Variants in KPTN observed in about 807,000 individuals in gnomAD.
The protein encoded by KPTN is KICSTOR complex protein kaptin.
Under a neutral mutation model 52.6 loss-of-function variants are expected in KPTN, and 36 were observed. The observed-to-expected ratio is 0.68, with a 90% confidence interval of 0.52 to 0.90. KPTN has a LOEUF of 0.90. Ranked by LOEUF, KPTN falls within the 40% of genes least tolerant of loss-of-function variation. KPTN has a pLI of 0.00. For missense variants in KPTN, 529 were observed against 576.2 expected, an observed-to-expected ratio of 0.92 and a Z score of 0.84; for synonymous variants, 271 against 248.4, an observed-to-expected ratio of 1.09 and a Z score of -0.85.
intron 7 of KPTN, 130 bp from the exon 8 acceptor site, chr19:47,480,070 C>T: frequency 3.0e-6 from 2 of 676,756 alleles, no homozygotes; most frequent in South Asian, 1.7e-5. Flanking sequence ...CTCAACCCCA[C>T]CCTAGCCCCG....
At chr19:47,480,443 T>C (rs1967837933) in intron 6 of KPTN, 36 bp from the exon 7 acceptor site, 1 of 1,446,374 alleles carries the variant, frequency 6.9e-7, no homozygotes. Flanking sequence ...CGGACGGCCA[T>C]TGCTGGGCCC....
chr19:47,476,655 C>T lies in KPTN; in HGVS notation c.1059G>A (p.Gly353=), dbSNP rs759546275. The T allele has an allele frequency of 6.2e-7, 1 of 1,613,002 alleles. No individual in the cohort carries two copies. Among genetic ancestry groups the T allele is most frequent in the South Asian group, 1.1e-5 (1 of 90,950 alleles). ...AGCTCCGCTGCCACAGCAGATGGAA[C>T]CCGTGCTGGGCCTCAGGAAGCCCCG... ...PESGLPEAQH[G]FHLLWQRSFS... is the part of the protein sequence containing the mutation. Residue 353 remains glycine (G), a synonymous_variant, in exon 11 of 12, where the codon GGG becomes GGA. Transcript: ENST00000338134.
chr19:47,479,295 G>A (rs949364601), intron 8 of KPTN, among the ~76,000 whole-genome samples: 34 of 152,146 alleles, frequency 2.2e-4, no homozygotes, highest in African/African-American at 8.0e-4. Context: ...CGTCCGCTTC[G>A]GCCTCCCAAA....
intron 8 of KPTN, among the ~76,000 whole-genome samples, chr19:47,477,986 G>T (rs1039865615): frequency 2.0e-5 from 3 of 151,936 alleles, no homozygotes; most frequent in Non-Finnish European, 4.4e-5. Flanking sequence ...CTTGAACCTG[G>T]GAGGCGGAGG....
rs1967624114 is a variant in KPTN, at chr19:47,475,328, C to G, written c.*88G>C. ...CCCTGGGGAGGTCTGGGGAGAGCAT[C>G]CTGTCCTTCAGGACACCCCCCACCA... On this transcript the variant is annotated 3_prime_UTR_variant, in exon 12 of 12. Coordinates refer to ENST00000338134, the MANE Select transcript of KPTN (RefSeq NM_007059.4). The G allele has an allele frequency of 1.3e-6, 2 of 1,493,886 alleles. No individual in the cohort carries two copies. The highest frequency in any genetic ancestry group is 2.5e-5 in the South Asian group (2 of 79,424). 92.5% of individuals were successfully genotyped at this position (1,493,886 alleles called of 1,614,324 possible).
In KPTN at chr19:47,476,693, G is replaced by A. The variant is rs755446490; in HGVS notation, c.1021C>T (p.Arg341Trp). Residue 341 changes from arginine (R) to tryptophan (W), a missense_variant, in exon 11 of 12, where the codon CGG becomes TGG. By Grantham distance (101) the Arg-to-Trp change is moderately radical. Coordinates refer to ENST00000338134, the MANE Select transcript of KPTN (RefSeq NM_007059.4). ...YGQELLCYKY[R>W]GPESGLPEAQ... ...TCAGGAAGCCCCGACTCTGGGCCCC[G>A]GTACTTATAACACAGCAGTTCCTGC... is the stretch of plus-strand genomic sequence containing the variant. The A allele has an allele frequency of 2.8e-5, 45 of 1,612,030 alleles. No homozygotes were observed. The highest frequency in any genetic ancestry group is 1.6e-4 in the Middle Eastern group (1 of 6,076).
intron 8 of KPTN, 59 bp downstream of exon 8, chr19:47,479,804 C>A: frequency 7.1e-7 from 1 of 1,406,800 alleles, no homozygotes; most frequent in Non-Finnish European, 1.0e-6. Flanking sequence ...CCCAAGAATG[C>A]AGAGTTGCCT....
At chr19:47,480,246 CG>C in intron 7 of KPTN, 51 bp downstream of exon 7, 3 of 1,109,798 alleles carry the variant, frequency 2.7e-6, no homozygotes, top group Middle Eastern at 2.6e-4. Flanking sequence ...ACCCTGGCCC[CG>C]CCCTCTAGCC....
rs779723695 is a variant in KPTN, at chr19:47,483,277, C to G, written c.394+18G>C. The G allele has an allele frequency of 1.2e-6, 2 of 1,613,508 alleles. No individual in the cohort carries two copies. The highest frequency in any genetic ancestry group is 3.3e-5 in the Admixed American group (2 of 60,016). ...CTGCTGGGGACTCTCTCCCTCCTCC[C>G]GTCCACGCCTCACTCACGGGCAATA... On this transcript the variant is annotated intron_variant, in intron 3 of 11. Coordinates refer to ENST00000338134, the MANE Select transcript of KPTN (RefSeq NM_007059.4).
At chr19:47,476,239 G>C (rs994251712) in intron 11 of KPTN, 7 of 213,194 alleles carry the variant, frequency 3.3e-5, no homozygotes, top group African/African-American at 1.7e-4. Flanking sequence ...AACCTGGGAG[G>C]TGGAGGTTGC....
chr19:47,480,058 C>A, intron 7 of KPTN, 118 bp from the exon 8 acceptor site: 1 of 684,846 alleles, frequency 1.5e-6, no homozygotes, highest in Non-Finnish European at 2.4e-6. Flanking sequence ...CCCTCTGAAG[C>A]CCTCAACCCC....
Position 47,476,709 on chromosome 19 carries a change from C to G in KPTN, c.1005G>C (p.Leu335=), listed in dbSNP as rs1238737276. The G allele has an allele frequency of 6.2e-7, 1 of 1,611,180 alleles. No individual in the cohort carries two copies. The highest frequency in any genetic ancestry group is 8.5e-7 in the Non-Finnish European group (1 of 1,178,766). The change falls in exon 11 of 12, where the codon CTG becomes CTC. Residue 335 remains leucine, a synonymous_variant. Coordinates refer to ENST00000338134, the MANE Select transcript of KPTN (RefSeq NM_007059.4). ...EVLVATYGQE[L]LCYKYRGPES... ...CTGGGCCCCGGTACTTATAACACAG[C>G]AGTTCCTGCGGGGGTGAAGAATCAG...
At chr19:47,485,462 T>G (rs1968044557), upstream of KPTN, among the ~76,000 whole-genome samples, 1 of 152,128 alleles carries the variant, frequency 6.6e-6, no homozygotes, top group Non-Finnish European at 1.5e-5. Flanking sequence ...GAGGTTTGGG[T>G]ACTATGTGCA....
At chr19:47,484,662 G>C (rs1489754147), upstream of KPTN, 1 of 158,204 alleles carries the variant, frequency 6.3e-6, no homozygotes, top group Admixed American at 6.3e-5. Context: ...CTAGTAACGA[G>C]CGGTCAGTAC....
At chr19:47,475,669 G>A in intron 11 of KPTN, 125 bp from the exon 12 acceptor site, 3 of 1,128,612 alleles carry the variant, frequency 2.7e-6, no homozygotes, top group Non-Finnish European at 3.8e-6. Flanking sequence ...GCAGAGAGCA[G>A]ACCACAGTGT....
At position 47,476,623 on chromosome 19, in the gene KPTN, C is replaced by T. The variant is rs752001420; in HGVS notation, c.1091G>A (p.Ser364Asn). The T allele has an allele frequency of 6.2e-7, 1 of 1,612,826 alleles. No individual in the cohort carries two copies. Among genetic ancestry groups the T allele is most frequent in the South Asian group, 1.1e-5 (1 of 90,958 alleles). ...CACGTGAGCCATGGCCAGCAGGGGA[C>T]TGGAGAAGCTCCGCTGCCACAGCAG... is the stretch of plus-strand genomic sequence containing the variant. ...FHLLWQRSFS[S>N]PLLAMAHVDL... Residue 364 changes from serine to asparagine, a missense_variant, in exon 11 of 12, where the codon AGT (serine) becomes AAT (asparagine). By Grantham distance (46) the Ser-to-Asn change is conservative (BLOSUM62 1). Coordinates refer to ENST00000338134, the MANE Select transcript of KPTN (RefSeq NM_007059.4).
intron 1 of KPTN, 103 bp from the exon 2 acceptor site, chr19:47,483,687 G>A: frequency 1.0e-6 from 1 of 964,706 alleles, no homozygotes; most frequent in Non-Finnish European, 1.6e-6. Flanking sequence ...CCTCTGGTCT[G>A]AGTCCTGACC....
At chr19:47,476,459 CAGG>C in intron 11 of KPTN, 70 bp downstream of exon 11, 1 of 1,327,732 alleles carries the variant, frequency 7.5e-7, no homozygotes, top group Middle Eastern at 2.7e-4. Context: ...CTCCCTCCCC[CAGG>C]AGGAGGCCTG....
Position 47,483,966 on chromosome 19 carries a change from C to T in KPTN, c.195G>A (p.Val65=), listed in dbSNP as rs1212228151. The change falls in exon 1 of 12, where the codon GTG becomes GTA. Residue 65 remains valine, a synonymous_variant. Transcript: ENST00000338134. ...TGTAGTTGAACTGCAGCTCCTTGGC[C>T]ACTGGCCGGATTTTCTGTCGGAGGT... ...YQDLRQKIRP[V]AKELQFNYIP... 4.3e-6 allele frequency: 7 copies of T among 1,613,794 alleles called. No individual in the cohort carries two copies. In the East Asian group the frequency reaches 6.7e-5, roughly 15 times the overall value.
Sources: gnomAD v4.1 joint callset for allele counts (sites outside exome capture counted in the v4.1 genomes callset) on GRCh38, gnomAD v4.1.1 for gene constraint, MANE v1.5 for transcripts, NCBI Gene and HGNC (gene_info 2026-07-23, HGNC 2026-07-21) for gene names.